The following GLT1D1 variants were observed in gnomAD, a reference collection of about 807,000 sequenced individuals.
GLT1D1 encodes the protein glycosyltransferase 1 domain containing 1.
In GLT1D1, 21 loss-of-function variants were observed where a neutral mutation model predicts 28.7. That is an observed-to-expected ratio of 0.73 (90% CI 0.52 to 1.05). The LOEUF (loss-of-function observed/expected upper bound fraction) is 1.05. Ranked by LOEUF, GLT1D1 falls within the 50% of genes least tolerant of loss-of-function variation. The probability of loss-of-function intolerance (pLI) is 0.00; values close to 1 mark genes in which losing one functional copy is unlikely to be tolerated. For synonymous variants in GLT1D1, 147 were observed against 124.8 expected (o/e 1.18, Z -1.19); for missense variants, 343 against 330.6 (o/e 1.04, Z -0.29).
At chr12:128,912,748 T>C (rs1871672740) in intron 4 of GLT1D1, among the ~76,000 whole-genome samples, 1 of 151,698 alleles carries the variant, frequency 6.6e-6, no homozygotes, top group Non-Finnish European at 1.5e-5. Context: ...CTGCAACCTC[T>C]GCCTCCTGGG....
chr12:128,949,256 G>A (rs1259312574), intron 6 of GLT1D1, among the ~76,000 whole-genome samples: 1 of 152,168 alleles, frequency 6.6e-6, no homozygotes, highest in Non-Finnish European at 1.5e-5. Context: ...CTTCACTGCG[G>A]ATGAATCGCT....
At chr12:128,925,928 C>T (rs991336218) in intron 4 of GLT1D1, among the ~76,000 whole-genome samples, 6 of 152,052 alleles carry the variant, frequency 3.9e-5, no homozygotes, top group African/African-American at 7.2e-5. Flanking sequence ...TGGTGGCTCA[C>T]GCCTGTAATC....
At chr12:128,982,003 C>A (rs1446686330) in intron 7 of GLT1D1, among the ~76,000 whole-genome samples, 1 of 152,144 alleles carries the variant, frequency 6.6e-6, no homozygotes, top group African/African-American at 2.4e-5. Context: ...TCCCTGAATA[C>A]CCTTTAACAG....
At chr12:128,926,257 C>T (rs60364802) in intron 4 of GLT1D1, 102 bp from the exon 7 acceptor site, 35,221 of 400,020 alleles carry the variant, frequency 0.088, 1,914 homozygotes, top group East Asian at 0.2. Context: ...AAGCTGGCCT[C>T]GAAGTCAGAG....
chr12:128,949,664 T>C (rs1040618337), intron 6 of GLT1D1, among the ~76,000 whole-genome samples: 1 of 152,176 alleles, frequency 6.6e-6, no homozygotes, highest in Non-Finnish European at 1.5e-5. Flanking sequence ...TTGAGCTTTT[T>C]GACGGAGTTG....
intron 7 of GLT1D1, among the ~76,000 whole-genome samples, chr12:128,971,970 C>A (rs191835049): frequency 6.8e-6 from 1 of 146,824 alleles, no homozygotes; most frequent in East Asian, 2.0e-4. Context: ...CCATTGTTTG[C>A]ACTTTATACG....
chr12:128,907,018 T>C, intron 4 of GLT1D1: 2 of 699,324 alleles, frequency 2.9e-6, no homozygotes, highest in Non-Finnish European at 5.2e-6. Context: ...GCGTGTCTCC[T>C]TATCCCTAAA....
chr12:128,903,813 C>T (rs1420812775), intron 4 of GLT1D1, among the ~76,000 whole-genome samples: 1 of 151,772 alleles, frequency 6.6e-6, no homozygotes, highest in African/African-American at 2.4e-5. Context: ...TCACTGCAAC[C>T]TCTGCCTCCC....
At chr12:128,943,836 T>A (rs1238624253) in intron 4 of GLT1D1, among the ~76,000 whole-genome samples, 1 of 152,254 alleles carries the variant, frequency 6.6e-6, no homozygotes, top group African/African-American at 2.4e-5. Flanking sequence ...TCCACAACGC[T>A]GGAGATGTCT....
chr12:128,919,972 TCTCTCTCTCTCTCTCTCTCCCC>T (rs753754478), intron 4 of GLT1D1, among the ~76,000 whole-genome samples: 7,312 of 19,010 alleles, frequency 0.38, 423 homozygotes, highest in South Asian at 0.42. Flanking sequence ...TCTCTCTCTC[TCTCTCTCTCTCTCTCTCTCCCC>T]CTCCATCTCT....
chr12:128,928,059 T>C lies in GLT1D1; in HGVS notation c.376-17267T>C, dbSNP rs1379116629. 4.5e-5 allele frequency among the ~76,000 whole-genome samples: 5 copies of C among 110,146 alleles called. No homozygotes were observed. The South Asian group carries it at 1.3e-3, about 28-fold the overall frequency. 72.3% of individuals were successfully genotyped at this position (110,146 alleles called of 152,430 possible). On this transcript the variant is annotated intron_variant, in intron 4 of 7. Coordinates refer to ENST00000281703, the MANE Select transcript of GLT1D1 (RefSeq NM_144669.3). ...AATAGAAAAAAAGAAAAGAAATACA[T>C]AGGAGTCCTATAAAAAGAAAATTAA...
In GLT1D1 at chr12:128,947,336, A is replaced by G; in HGVS notation, c.420-2A>G. On this transcript the variant is annotated splice_acceptor_variant, in intron 5 of 7. Coordinates refer to ENST00000281703, the MANE Select transcript of GLT1D1 (RefSeq NM_144669.3). LOFTEE classifies it high-confidence loss of function. ...AGCCACTCTTCCTGCTTTGTGTTTC[A>G]GAGCCGCTGGGGTACGATTGATTGG... The G allele has an allele frequency of 6.2e-7, 1 of 1,613,880 alleles. No homozygotes were observed. Among genetic ancestry groups the G allele is most frequent in the Non-Finnish European group, 8.5e-7 (1 of 1,179,928 alleles).
At chr12:128,879,406 C>CTT (rs1956963119) in intron 2 of GLT1D1, among the ~76,000 whole-genome samples, 1 of 90,706 alleles carries the variant, frequency 1.1e-5, no homozygotes, top group Non-Finnish European at 2.1e-5. Context: ...TTCTTTCTTT[C>CTT]TTTCTTTCTT....
At chr12:128,945,417 T>C (rs772084070) in intron 5 of GLT1D1, 48 bp downstream of exon 9, 47 of 1,484,410 alleles carry the variant, frequency 3.2e-5, no homozygotes, top group African/African-American at 4.2e-5. Context: ...GAAGCCTGAG[T>C]GGCCCCTGGG....
chr12:128,953,502 C>T (rs1876937839), intron 6 of GLT1D1, among the ~76,000 whole-genome samples: 1 of 151,972 alleles, frequency 6.6e-6, no homozygotes, highest in African/African-American at 2.4e-5. Context: ...TGAGGAAGTC[C>T]AATCTTCCTA....
intron 4 of GLT1D1, among the ~76,000 whole-genome samples, chr12:128,935,166 G>A (rs1593155663): frequency 6.6e-6 from 1 of 152,354 alleles, no homozygotes; most frequent in East Asian, 1.9e-4. Flanking sequence ...GGCGCAGCCA[G>A]GAGGCAGTTG....
intron 1 of GLT1D1, among the ~76,000 whole-genome samples, chr12:128,860,992 G>T (rs1475347366): frequency 6.6e-6 from 1 of 152,176 alleles, no homozygotes; most frequent in Non-Finnish European, 1.5e-5. Flanking sequence ...CCAAGTTCAT[G>T]TCACCTGTGG....
rs1296909914 is a variant in GLT1D1, at chr12:128,971,458, ATCCCTCCCTCTGCCTCCCTCCC to A, written c.640-11464_640-11443del. Among the ~76,000 whole-genome samples, 20 of 36,038 alleles carry A rather than the reference ATCCCTCCCTCTGCCTCCCTCCC, an allele frequency of 5.5e-4. No homozygotes were observed. The East Asian group carries it at 0.016, about 28-fold the overall frequency. The allele number at this position is 36,038 out of a possible 152,430, so 23.6% of individuals were successfully genotyped here. A position where few individuals can be genotyped will look rare whatever the true frequency, so the allele number is the denominator to read the frequency against. ...CCTCCCTCCCTTCCTCTCTCCCTCC[ATCCCTCCCTCTGCCTCCCTCCC>A]TCCCTCTCTCTACCTCCCTCCCTCT... is the stretch of plus-strand genomic sequence containing the variant. On this transcript the variant is annotated intron_variant, in intron 7 of 7. Transcript: ENST00000281703.
intron 4 of GLT1D1, 108 bp from the exon 9 acceptor site, chr12:128,945,218 G>A (rs1169082153): frequency 4.2e-5 from 48 of 1,151,988 alleles, no homozygotes; most frequent in East Asian, 1.9e-4. Context: ...GCCGCAGACC[G>A]AGGCCCACGC....
Sources: allele counts gnomAD v4.1 joint callset (sites outside exome capture counted in the v4.1 genomes callset), GRCh38; gene constraint gnomAD v4.1.1; transcripts MANE v1.5; gene names NCBI Gene and HGNC (gene_info 2026-07-23, HGNC 2026-07-21).